The following GET1 variants were observed in gnomAD, a reference collection of about 807,000 sequenced individuals.
The protein encoded by GET1 is guided entry of tail-anchored proteins factor 1.
GET1 carries 20 observed loss-of-function variants against 22.6 expected under a neutral mutation model. The ratio of observed to expected loss-of-function variants is 0.89; its 90% CI spans 0.62 to 1.29. The LOEUF is 1.29. Ranked by LOEUF, GET1 falls within the 50% of genes most tolerant of loss-of-function variation. The pLI, the probability that GET1 is intolerant of heterozygous loss-of-function variation, is 0.00. For synonymous variants in GET1, 92 were observed against 83.8 expected (o/e 1.10, Z -0.53); for missense variants, 209 against 219.9 (o/e 0.95, Z 0.31).
chr21:39,416,510 G>C (rs1183488597), intron 1 of GET1, among the ~76,000 whole-genome samples: 1 of 152,116 alleles, frequency 6.6e-6, no homozygotes, highest in Non-Finnish European at 1.5e-5. Flanking sequence ...AGGGAGCCTT[G>C]GTTTGTTTCA....
At position 39,396,957 on chromosome 21, in the gene GET1, G is replaced by C. The variant is rs779604983; in HGVS notation, c.*18G>C. ...TCAGCTGAACAGGAGGATGGATACAGCCGCGAGGCTAAAAAACGGATTTCC... is the reference window on the plus strand; with the variant it reads ...TCAGCTGAACAGGAGGATGGATACACCCGCGAGGCTAAAAAACGGATTTCC... On this transcript the variant is annotated 3_prime_UTR_variant, in exon 5 of 5. Transcript: ENST00000649170. 4 of 1,612,938 alleles carry C rather than the reference G, an allele frequency of 2.5e-6. No individual in the cohort carries two copies. The African/African-American group carries it at 4.0e-5, about 16-fold the overall frequency.
intron 1 of GET1, among the ~76,000 whole-genome samples, chr21:39,417,516 A>G (rs1187344602): frequency 1.3e-5 from 2 of 152,166 alleles, no homozygotes; most frequent in Admixed American, 6.5e-5. Flanking sequence ...ATAGATGGAT[A>G]TATTTCTATT....
chr21:39,390,723 C>G lies in GET1; in HGVS notation c.128C>G (p.Ala43Gly). ...SFMSRVLQKD[A>G]EQESQMRAEI... The stretch of plus-strand genomic sequence containing the variant: ...ATGTCCAGGGTGCTGCAGAAGGACG[C>G]GGAGCAGGAGTCACAGATGAGAGCG... Residue 43 changes from alanine to glycine, a missense_variant, in exon 2 of 5, where the codon GCG becomes GGG. Coordinates refer to ENST00000649170, the MANE Select transcript of GET1 (RefSeq NM_004627.6). 6.2e-7 allele frequency: 1 copy of G among 1,614,070 alleles called. No homozygotes were observed. Among genetic ancestry groups the G allele is most frequent in the South Asian group, 1.1e-5 (1 of 91,078 alleles).
exon 5 of GET1, chr21:39,406,051 C>G (rs750984933): frequency 1.2e-6 from 2 of 1,614,080 alleles, no homozygotes; most frequent in Non-Finnish European, 1.7e-6. Flanking sequence ...AACACCAGGA[C>G]TTGATTGGTC....
chr21:39,409,205 A>G (rs905060758), downstream of GET1, among the ~76,000 whole-genome samples: 3 of 152,196 alleles, frequency 2.0e-5, no homozygotes, highest in Non-Finnish European at 2.9e-5. This position sits in a 1 kb window ranked among gnomAD's most constrained non-coding sequence, Gnocchi z 4.2. Flanking sequence ...GAAACGCCAC[A>G]TGAAGACATA....
At chr21:39,414,742 C>CTG (rs66478742) in intron 1 of GET1, among the ~76,000 whole-genome samples, 90 of 99,226 alleles carry the variant, frequency 9.1e-4, no homozygotes, top group Middle Eastern at 6.1e-3. Flanking sequence ...CTCTCTCTCT[C>CTG]TGTGTGTGTG....
intron 1 of GET1, among the ~76,000 whole-genome samples, chr21:39,416,924 G>A (rs2041282659): frequency 2.0e-5 from 3 of 152,186 alleles, no homozygotes; most frequent in African/African-American, 4.8e-5. Context: ...GCCACCAATA[G>A]GATACAGTCA....
At chr21:39,399,292 T>A (rs1762662856), downstream of GET1, among the ~76,000 whole-genome samples, 1 of 152,190 alleles carries the variant, frequency 6.6e-6, no homozygotes, top group African/African-American at 2.4e-5. Flanking sequence ...CTGTTTTTTT[T>A]TAAAAATGGA....
At chr21:39,403,994 T>C (rs2038918631) in intron 4 of GET1, among the ~76,000 whole-genome samples, 2 of 152,164 alleles carry the variant, frequency 1.3e-5, no homozygotes, top group Admixed American at 1.3e-4. Context: ...GGCACGATCC[T>C]GGCTCACTGC....
Position 39,390,800 on chromosome 21 carries a change from T to A in GET1, c.205T>A (p.Phe69Ile), listed in dbSNP as rs1431985111. ...ELSTVNMMDEFARYARLERKI... is the reference protein window; with the variant it reads ...ELSTVNMMDEIARYARLERKI... ...CTCCACAGTCAACATGATGGACGAG[T>A]TTGCCAGATATGCCAGGCTGGAAAG... is the stretch of plus-strand genomic sequence containing the variant. Residue 69 changes from phenylalanine (F) to isoleucine (I), a missense_variant, in exon 2 of 5, where the codon TTT (phenylalanine) becomes ATT (isoleucine). Coordinates refer to ENST00000649170, the MANE Select transcript of GET1 (RefSeq NM_004627.6). 8 of 1,613,920 alleles carry A rather than the reference T, an allele frequency of 5.0e-6. No homozygotes were observed. The Admixed American group carries it at 1.3e-4, about 27-fold the overall frequency.
chr21:39,387,571 C>T (rs1390084247), intron 1 of GET1, among the ~76,000 whole-genome samples: 1 of 152,116 alleles, frequency 6.6e-6, no homozygotes, highest in Non-Finnish European at 1.5e-5. Flanking sequence ...GGCAGAGGCA[C>T]CACAAAGAGA....
intron 1 of GET1, among the ~76,000 whole-genome samples, chr21:39,412,773 C>A (rs1477837225): frequency 6.6e-6 from 1 of 152,156 alleles, no homozygotes; most frequent in Non-Finnish European, 1.5e-5. Flanking sequence ...AAATTGCAAG[C>A]CCCTTAAAAA....
chr21:39,418,009 A>G lies in GET1; in HGVS notation c.*23+7072A>G, dbSNP rs552652723. On this transcript the variant is annotated intron_variant, in intron 1 of 1. Transcript: ENST00000478273. ...TCTCCATCTCCTGACCTCGTGATCC[A>G]CCCACCTTGGCCTCCCAAAGTGCTG... Among the ~76,000 whole-genome samples, 13 of 152,090 alleles carry G rather than the reference A, an allele frequency of 8.5e-5. No homozygotes were observed. The South Asian group carries it at 1.7e-3, about 19-fold the overall frequency.
intron 1 of GET1, chr21:39,380,948 A>G (rs1369661510): frequency 1.0e-5 from 10 of 997,656 alleles, no homozygotes; most frequent in Non-Finnish European, 1.2e-5. Flanking sequence ...ACAGGTGTAG[A>G]GAGAATCTCA....
Position 39,391,812 on chromosome 21 carries a change from A to C in GET1, c.312A>C (p.Ile104=), listed in dbSNP as rs1391416821. 23 of 1,614,032 alleles carry C rather than the reference A, an allele frequency of 1.4e-5. No individual in the cohort carries two copies. The highest frequency in any genetic ancestry group is 1.9e-5 in the Non-Finnish European group (22 of 1,180,016). The stretch of plus-strand genomic sequence containing the variant: ...AATTAGCCAAGATAAAATGGGTGAT[A>C]AGTGTCGCTTTCTACGTATTGCAGG... The part of the protein sequence containing the change: ...TAQLAKIKWV[I]SVAFYVLQAA... Residue 104 remains isoleucine, a synonymous_variant, in exon 3 of 5, where the codon ATA becomes ATC. Coordinates refer to ENST00000649170, the MANE Select transcript of GET1 (RefSeq NM_004627.6).
intron 2 of GET1, chr21:39,391,523 G>A (rs950977380): frequency 9.0e-6 from 4 of 442,678 alleles, no homozygotes; most frequent in African/African-American, 2.0e-5. Flanking sequence ...TTCATGAGTC[G>A]TTTTAAGAGT....
downstream of GET1, among the ~76,000 whole-genome samples, chr21:39,409,181 G>A (rs80177348): frequency 2.1e-3 from 320 of 152,148 alleles, 1 homozygote; most frequent in Non-Finnish European, 3.4e-3. The surrounding 1 kb of genome is among the most constrained non-coding windows in gnomAD (Gnocchi z 4.2). Flanking sequence ...GACTCTCCTC[G>A]TGCGAGCACT....
chr21:39,414,738 CTCTCTGTGTGTGTGTGTGTG>C (rs1159255683), intron 1 of GET1, among the ~76,000 whole-genome samples: 6 of 107,328 alleles, frequency 5.6e-5, no homozygotes, highest in African/African-American at 1.6e-4. Context: ...CTCTCTCTCT[CTCTCTGTGTGTGTGTGTGTG>C]TGTGTGTGTG....
At chr21:39,399,373 A>G (rs146618487), downstream of GET1, among the ~76,000 whole-genome samples, 343 of 152,314 alleles carry the variant, frequency 2.3e-3, no homozygotes, top group African/African-American at 7.9e-3. Context: ...GACTGGCGTT[A>G]GCATCTGTGC....
Sources: allele counts gnomAD v4.1 joint callset (sites outside exome capture counted in the v4.1 genomes callset), GRCh38; gene constraint gnomAD v4.1.1; non-coding constraint Gnocchi (gnomAD v3.1); transcripts MANE v1.5; gene names NCBI Gene and HGNC (gene_info 2026-07-23, HGNC 2026-07-21).